The following COL11A1 variants were observed in gnomAD, a reference collection of about 807,000 sequenced individuals.
The protein encoded by COL11A1 is collagen type XI alpha 1 chain.
In COL11A1, 74 loss-of-function variants were observed where a neutral mutation model predicts 265.2. The observed-to-expected ratio is 0.28, with a 90% CI of 0.23 to 0.34. The LOEUF (loss-of-function observed/expected upper bound fraction) is 0.34, where lower values mean the gene tolerates loss of function less well. Among genes scored for constraint, COL11A1 ranks in the 10% least tolerant of loss-of-function variants. COL11A1 has a pLI of 1.00. For synonymous variants in COL11A1, 816 were observed against 727.6 expected (o/e 1.12, Z -1.96); for missense variants, 2,165 against 2,263.6 (o/e 0.96, Z 0.88).
rs561094198 is a variant in COL11A1, at chr1:102,975,880, A to G, written c.2755-997T>C. On this transcript the variant is annotated intron_variant, in intron 35 of 66. Coordinates refer to ENST00000370096, the MANE Select transcript of COL11A1 (RefSeq NM_001854.4). ...TCATTACCATTCATAAGCCAATGTT[A>G]GTTCAGAAATCATCACAAGTTTTTA... Among the ~76,000 whole-genome samples the G allele has an allele frequency of 1.7e-4, 26 of 152,262 alleles. 1 individual carries two copies. The South Asian group carries it at 5.0e-3, about 29-fold the overall frequency.
intron 1 of COL11A1, among the ~76,000 whole-genome samples, chr1:103,089,361 C>T (rs1482013171): frequency 6.6e-6 from 1 of 152,008 alleles, no homozygotes; most frequent in Non-Finnish European, 1.5e-5. Flanking sequence ...TTATATGATC[C>T]CAGTGTCTTG....
intron 38 of COL11A1, 106 bp downstream of exon 38, chr1:102,965,381 C>T (rs1457397253): frequency 1.8e-6 from 2 of 1,102,888 alleles, no homozygotes; most frequent in Non-Finnish European, 2.7e-6. Flanking sequence ...ATAAAAAATA[C>T]ATCATTTTGA....
chr1:102,878,648 C>T, intron 66 of COL11A1, among the ~76,000 whole-genome samples: 1 of 150,612 alleles, frequency 6.6e-6, no homozygotes. Context: ...GTAGCTGGAC[C>T]TACTGGCATG....
At chr1:103,048,678 T>C (rs1477343574) in intron 4 of COL11A1, among the ~76,000 whole-genome samples, 4 of 152,190 alleles carry the variant, frequency 2.6e-5, no homozygotes, top group African/African-American at 9.6e-5. Context: ...CTAGTTCTTT[T>C]AATTGTGATG....
In COL11A1 at chr1:102,879,695, A is replaced by G; in HGVS notation, c.5262T>C (p.Tyr1754=). 6.2e-7 allele frequency: 1 copy of G among 1,613,552 alleles called. No individual in the cohort carries two copies. Among genetic ancestry groups the G allele is most frequent in the Non-Finnish European group, 8.5e-7 (1 of 1,179,650 alleles). Residue 1754 remains tyrosine (Y), a synonymous_variant, in exon 66 of 67, where the codon TAT becomes TAC. Transcript: ENST00000370096. ...AACTTATACTCACCGCACAACCATCATACAGTGTTTTGATAAAAGGATTAT... is the reference window on the plus strand; with the variant it reads ...AACTTATACTCACCGCACAACCATCGTACAGTGTTTTGATAAAAGGATTAT... ...YDNNPFIKTL[Y]DGCASRKGYE... is the part of the protein sequence containing the mutation.
At chr1:103,105,803 T>G (rs1674646756) in intron 1 of COL11A1, among the ~76,000 whole-genome samples, 2 of 152,214 alleles carry the variant, frequency 1.3e-5, no homozygotes, top group South Asian at 4.1e-4. Context: ...TTTTAAGCAT[T>G]AATATACTAT....
chr1:102,878,503 T>TATATATATATATATATATATATATATA (rs1553191037), intron 66 of COL11A1, among the ~76,000 whole-genome samples: 5 of 127,476 alleles, frequency 3.9e-5, no homozygotes, highest in Admixed American at 8.0e-5. Context: ...TATATATATA[T>TATATATATATATATATATATATATATA]TCTTTTTCTT....
At chr1:102,967,961 C>T (rs1313864536) in intron 37 of COL11A1, among the ~76,000 whole-genome samples, 2 of 152,162 alleles carry the variant, frequency 1.3e-5, no homozygotes. Context: ...GAGAGGAAGT[C>T]TTGGCTGCTA....
chr1:103,067,174 G>A (rs1671224501), intron 4 of COL11A1, among the ~76,000 whole-genome samples: 1 of 151,754 alleles, frequency 6.6e-6, no homozygotes. Flanking sequence ...AGTCTGCATC[G>A]AACAATTTCA....
intron 4 of COL11A1, among the ~76,000 whole-genome samples, chr1:103,067,699 T>A (rs1478239778): frequency 6.6e-6 from 1 of 151,666 alleles, no homozygotes; most frequent in Non-Finnish European, 1.5e-5. Context: ...AAGTTTCAAG[T>A]ACCTGTTCAA....
At chr1:102,958,452 C>G (rs994472748) in intron 41 of COL11A1, among the ~76,000 whole-genome samples, 1 of 151,862 alleles carries the variant, frequency 6.6e-6, no homozygotes, top group African/African-American at 2.4e-5. Flanking sequence ...TTTGTTTTAT[C>G]TGTCATTTGG....
chr1:103,100,094 C>T (rs1408647701), intron 1 of COL11A1: 1 of 151,868 alleles, frequency 6.6e-6, no homozygotes. Context: ...CACCCAGGAA[C>T]TCCTAGAAGA....
intron 30 of COL11A1, among the ~76,000 whole-genome samples, chr1:102,986,416 G>C (rs1663551041): frequency 8.7e-6 from 1 of 114,912 alleles, no homozygotes; most frequent in Non-Finnish European, 1.7e-5. Context: ...CCTGTTGTGG[G>C]GTGGGGGGAG....
At chr1:103,087,247 A>G (rs1343070415) in intron 1 of COL11A1, among the ~76,000 whole-genome samples, 1 of 152,174 alleles carries the variant, frequency 6.6e-6, no homozygotes, top group Non-Finnish European at 1.5e-5. Flanking sequence ...TTGTTCAATT[A>G]TATTTTCCTG....
chr1:103,078,569 C>T (rs762520625), intron 3 of COL11A1, 89 bp downstream of exon 3: 11 of 1,278,868 alleles, frequency 8.6e-6, no homozygotes, highest in Non-Finnish European at 1.2e-5. Flanking sequence ...CTAGAAAAAC[C>T]TTATCACACT....
At chr1:102,879,020 A>G (rs1649904121) in intron 66 of COL11A1, among the ~76,000 whole-genome samples, 1 of 151,960 alleles carries the variant, frequency 6.6e-6, no homozygotes, top group East Asian at 1.9e-4. Context: ...CATTTGCTTT[A>G]CTCTCTCTTC....
At chr1:103,051,690 A>G (rs960306036) in intron 4 of COL11A1, among the ~76,000 whole-genome samples, 4 of 152,182 alleles carry the variant, frequency 2.6e-5, no homozygotes, top group Non-Finnish European at 5.9e-5. Context: ...TGTCTTCTGC[A>G]TCGCTCACGC....
intron 6 of COL11A1, chr1:103,025,820 T>C (rs759783315): frequency 1.2e-6 from 2 of 1,613,458 alleles, no homozygotes; most frequent in Non-Finnish European, 1.7e-6. Flanking sequence ...AGTTTGGCTT[T>C]TGCTGATGCT....
chr1:103,019,220 A>G (rs2101922178), intron 9 of COL11A1, among the ~76,000 whole-genome samples: 1 of 152,312 alleles, frequency 6.6e-6, no homozygotes, highest in East Asian at 1.9e-4. Flanking sequence ...AATACCTGGC[A>G]TAAAACAGAA....
Sources: gnomAD v4.1 joint callset for allele counts (sites outside exome capture counted in the v4.1 genomes callset) on GRCh38, gnomAD v4.1.1 for gene constraint, MANE v1.5 for transcripts, NCBI Gene and HGNC (gene_info 2026-07-23, HGNC 2026-07-21) for gene names.